The following PABPC4L variants were observed in gnomAD, a reference collection of about 807,000 sequenced individuals.
PABPC4L encodes the protein polyadenylate-binding protein 4-like.
For missense variants in PABPC4L, 452 were observed against 451.4 expected, an observed-to-expected ratio of 1.00 and a Z score of -0.01; for synonymous variants, 169 against 164.1, an observed-to-expected ratio of 1.03 and a Z score of -0.23.
At chr4:134,003,839 A>G in the PABPC4L span, among the ~76,000 whole-genome samples, 1 of 151,950 alleles carries the variant, frequency 6.6e-6, no homozygotes, top group Non-Finnish European at 1.5e-5. Context: ...CGGTTGAAAA[A>G]TAGGAGATTT....
chr4:134,166,318 GATAA>G, the PABPC4L span, among the ~76,000 whole-genome samples: 1 of 152,108 alleles, frequency 6.6e-6, no homozygotes, highest in African/African-American at 2.4e-5. Flanking sequence ...ATAGATGATA[GATAA>G]ATAGATGTAA....
At chr4:134,161,612 C>A in the PABPC4L span, among the ~76,000 whole-genome samples, 1 of 152,022 alleles carries the variant, frequency 6.6e-6, no homozygotes, top group African/African-American at 2.4e-5. Context: ...ATCTACCAGA[C>A]AAACAAAAGC....
At chr4:133,953,771 C>G in the PABPC4L span, among the ~76,000 whole-genome samples, 1 of 152,142 alleles carries the variant, frequency 6.6e-6, no homozygotes, top group African/African-American at 2.4e-5. Flanking sequence ...GGAGGATGCT[C>G]TCTCTCCCAA....
At chr4:133,949,697 G>T in the PABPC4L span, among the ~76,000 whole-genome samples, 1 of 152,122 alleles carries the variant, frequency 6.6e-6, no homozygotes, top group Non-Finnish European at 1.5e-5. Context: ...CCCAGTTTGG[G>T]TGGAGCTTGT....
chr4:133,949,463 T>C, the PABPC4L span, among the ~76,000 whole-genome samples: 3 of 152,200 alleles, frequency 2.0e-5, no homozygotes, highest in Non-Finnish European at 2.9e-5. Context: ...TTAATCCTAA[T>C]CATATCCACC....
chr4:133,955,324 C>G, the PABPC4L span, among the ~76,000 whole-genome samples: 330 of 151,892 alleles, frequency 2.2e-3, no homozygotes, highest in Non-Finnish European at 3.9e-3. Flanking sequence ...GAATTATATG[C>G]ACTAAAGTCA....
At chr4:134,060,982 T>A in the PABPC4L span, among the ~76,000 whole-genome samples, 1 of 151,842 alleles carries the variant, frequency 6.6e-6, no homozygotes, top group Non-Finnish European at 1.5e-5. Flanking sequence ...AAAAATACCT[T>A]GAAAGAATGA....
chr4:134,201,592 G>A (rs929558855), intron 1 of PABPC4L, 126 bp downstream of exon 1: 5 of 170,668 alleles, frequency 2.9e-5, no homozygotes, highest in African/African-American at 1.2e-4. Flanking sequence ...AGACCTAGGG[G>A]GCCCCTCCGA....
chr4:134,094,364 G>A, the PABPC4L span, among the ~76,000 whole-genome samples: 21 of 151,928 alleles, frequency 1.4e-4, no homozygotes, highest in Non-Finnish European at 2.4e-4. Context: ...TATAAAACAA[G>A]TTATGATACT....
chr4:134,128,869 G>T, the PABPC4L span, among the ~76,000 whole-genome samples: 1 of 152,056 alleles, frequency 6.6e-6, no homozygotes, highest in Non-Finnish European at 1.5e-5. Context: ...TCACTTAAAA[G>T]ATGTAGAATG....
chr4:134,133,394 TAAA>T, the PABPC4L span, among the ~76,000 whole-genome samples: 1 of 143,790 alleles, frequency 7.0e-6, no homozygotes, highest in East Asian at 2.0e-4. Context: ...TATATAATAA[TAAA>T]TATTATATAT....
the PABPC4L span, among the ~76,000 whole-genome samples, chr4:134,082,918 A>T: frequency 1.3e-5 from 2 of 152,240 alleles, no homozygotes; most frequent in Non-Finnish European, 2.9e-5. Context: ...TGAGACTGTG[A>T]GTGTGATCTA....
chr4:134,072,440 G>A, the PABPC4L span, among the ~76,000 whole-genome samples: 1 of 152,170 alleles, frequency 6.6e-6, no homozygotes, highest in East Asian at 1.9e-4. Flanking sequence ...CATAAAATGT[G>A]ACTCCATAGG....
the PABPC4L span, among the ~76,000 whole-genome samples, chr4:134,164,069 C>T: frequency 6.6e-6 from 1 of 150,980 alleles, no homozygotes; most frequent in Non-Finnish European, 1.5e-5. Flanking sequence ...CGAGACCATC[C>T]CGGCTAAAAT....
the PABPC4L span, among the ~76,000 whole-genome samples, chr4:134,127,254 C>T: frequency 6.6e-6 from 1 of 152,030 alleles, no homozygotes; most frequent in East Asian, 1.9e-4. Flanking sequence ...GCCCCGCCCC[C>T]CACCTGACCC....
the PABPC4L span, among the ~76,000 whole-genome samples, chr4:134,089,105 T>C: frequency 1.3e-5 from 2 of 152,092 alleles, no homozygotes; most frequent in African/African-American, 4.8e-5. Flanking sequence ...AAAAAGTAAG[T>C]TTCAGCAACT....
the PABPC4L span, among the ~76,000 whole-genome samples, chr4:134,132,563 C>T: frequency 6.6e-6 from 1 of 151,576 alleles, no homozygotes; most frequent in Non-Finnish European, 1.5e-5. Context: ...AAAAAAAAAT[C>T]GATGTTGGAC....
the PABPC4L span, among the ~76,000 whole-genome samples, chr4:134,163,609 C>G: frequency 9.8e-3 from 1,489 of 152,184 alleles, 26 homozygotes; most frequent in African/African-American, 0.034. Context: ...CAACAATATA[C>G]TAGCAAACTG....
chr4:134,023,317 A>G, the PABPC4L span, among the ~76,000 whole-genome samples: 5 of 152,164 alleles, frequency 3.3e-5, no homozygotes, highest in African/African-American at 9.6e-5. Context: ...ATAAGCCTGT[A>G]ATATAATTCA....
Sources: gnomAD v4.1 joint callset for allele counts (sites outside exome capture counted in the v4.1 genomes callset) on GRCh38, gnomAD v4.1.1 for gene constraint, MANE v1.5 for transcripts, NCBI Gene and HGNC (gene_info 2026-07-23, HGNC 2026-07-21) for gene names.